SPTLC2: variants seen among roughly 807,000 people sequenced by gnomAD.
SPTLC2 encodes the protein serine palmitoyltransferase long chain base subunit 2, also known as serine palmitoyltransferase 2.
In SPTLC2, 21 loss-of-function variants were observed where a neutral mutation model predicts 62.0. The ratio of observed to expected loss-of-function variants is 0.34; its 90% CI spans 0.24 to 0.49. The LOEUF (loss-of-function observed/expected upper bound fraction) is 0.49. SPTLC2 is among the 20% of genes least tolerant of loss of function. The probability of loss-of-function intolerance (pLI) is 0.99; values close to 1 mark genes in which losing one functional copy is unlikely to be tolerated. For missense variants in SPTLC2, 511 were observed against 713.0 expected (o/e 0.72, Z 3.23); for synonymous variants, 261 against 261.8 (o/e 1.00, Z 0.03).
Position 77,570,440 on chromosome 14 carries a change from C to A in SPTLC2, c.700G>T (p.Ala234Ser). Residue 234 changes from alanine (A) to serine (S), a missense_variant, in exon 5 of 12, where the codon GCG becomes TCG. By Grantham distance (99) the Ala-to-Ser change is moderately conservative (BLOSUM62 1). Coordinates refer to ENST00000216484, the MANE Select transcript of SPTLC2 (RefSeq NM_004863.4). ...TTCGTTGCAAATCCCATGCCATACGCCATAGCAGCTTCTACTCCTAAGAAC... is the reference window on the plus strand; with the variant it reads ...TTCGTTGCAAATCCCATGCCATACGACATAGCAGCTTCTACTCCTAAGAAC... ...ARFLGVEAAM[A>S]YGMGFATNSM... 1 of 1,613,938 alleles carries A rather than the reference C, an allele frequency of 6.2e-7. No homozygotes were observed. The highest frequency in any genetic ancestry group is 1.1e-5 in the South Asian group (1 of 91,084).
chr14:77,536,416 A>G (rs991704164), intron 9 of SPTLC2, among the ~76,000 whole-genome samples: 3 of 151,780 alleles, frequency 2.0e-5, no homozygotes, highest in Admixed American at 6.6e-5. Flanking sequence ...TCACGTCACC[A>G]GGTGATTTTT....
chr14:77,553,048 T>C (rs1020835864), intron 8 of SPTLC2, among the ~76,000 whole-genome samples: 4 of 152,244 alleles, frequency 2.6e-5, no homozygotes, highest in Non-Finnish European at 4.4e-5. Flanking sequence ...AAATGTGAAA[T>C]AGAAACTTAC....
chr14:77,593,059 C>T (rs547416357), intron 2 of SPTLC2, among the ~76,000 whole-genome samples: 2 of 151,360 alleles, frequency 1.3e-5, no homozygotes, highest in Admixed American at 6.6e-5. Context: ...GCCGAGATCA[C>T]GCCACTGTAC....
At position 77,589,974 on chromosome 14, in the gene SPTLC2, T is replaced by C. The variant is rs571662140; in HGVS notation, c.327+7212A>G. 1.1e-4 allele frequency among the ~76,000 whole-genome samples: 13 copies of C among 116,936 alleles called. No individual in the cohort carries two copies. In the South Asian group the frequency reaches 3.1e-3, roughly 28 times the overall value. 76.7% of individuals were successfully genotyped at this position (116,936 alleles called of 152,430 possible). ...GCCTGGATGATAGAGCAAGACCCTG[T>C]CTCAAAAAAAAAAAAAAAAAAGACA... On this transcript the variant is annotated intron_variant, in intron 2 of 11. Coordinates refer to ENST00000216484, the MANE Select transcript of SPTLC2 (RefSeq NM_004863.4).
rs562156898 is a variant in SPTLC2 at position 77,544,922 on chromosome 14, T to A, written c.1303+7174A>T. On this transcript the variant is annotated intron_variant, in intron 9 of 11. Coordinates refer to ENST00000216484, the MANE Select transcript of SPTLC2 (RefSeq NM_004863.4). The stretch of plus-strand genomic sequence containing the variant: ...CCCCTGATGTTTCCTCTTAGTATTT[T>A]TCTATCTACTCACTCCCACCCTGTT... Among the ~76,000 whole-genome samples the A allele has an allele frequency of 5.3e-4, 81 of 152,280 alleles. 1 individual carries two copies. The highest frequency in any genetic ancestry group is 1.9e-3 in the African/African-American group (80 of 41,570).
At position 77,521,318 on chromosome 14, in the gene SPTLC2, A is replaced by G. The variant is rs2079383746; in HGVS notation, c.1439+128T>C. On this transcript the variant is annotated intron_variant, in intron 10 of 11. Coordinates refer to ENST00000216484, the MANE Select transcript of SPTLC2 (RefSeq NM_004863.4). ...TGGAATCCACTATTTGATCTATGGCATATGTACCAAATGAAGGTTAACACA... is the reference window on the plus strand; with the variant it reads ...TGGAATCCACTATTTGATCTATGGCGTATGTACCAAATGAAGGTTAACACA... 14 of 1,143,388 alleles carry G rather than the reference A, an allele frequency of 1.2e-5. No homozygotes were observed. In the South Asian group the frequency reaches 1.4e-4, roughly 11 times the overall value. 70.8% of individuals were successfully genotyped at this position (1,143,388 alleles called of 1,614,324 possible). A position where few individuals can be genotyped will look rare whatever the true frequency, so the allele number is the denominator to read the frequency against.
intron 9 of SPTLC2, among the ~76,000 whole-genome samples, chr14:77,550,646 A>C (rs112142323): frequency 0.029 from 4,312 of 148,724 alleles, 224 homozygotes; most frequent in African/African-American, 0.1. Flanking sequence ...TCACAGCTGT[A>C]ATTCCAGCAC....
At position 77,527,345 on chromosome 14, in the gene SPTLC2, G is replaced by A. The variant is rs377110681; in HGVS notation, c.1304-5764C>T. Among the ~76,000 whole-genome samples, 16 of 151,914 alleles carry A rather than the reference G, an allele frequency of 1.1e-4. No homozygotes were observed. The East Asian group carries it at 1.7e-3, about 16-fold the overall frequency. ...ACTCCTGACCCTCAACTGATCCATC[G>A]CACCAGGCCTAGATTTAGTTCTCTT... On this transcript the variant is annotated intron_variant, in intron 9 of 11. Transcript: ENST00000216484.
intron 5 of SPTLC2, among the ~76,000 whole-genome samples, chr14:77,568,794 C>T (rs1304975143): frequency 9.1e-5 from 12 of 132,112 alleles, no homozygotes; most frequent in Admixed American, 1.7e-4. Flanking sequence ...GGCAAGAGAG[C>T]GAGACTCTGT....
chr14:77,616,258 GCC>G (rs2079966341), intron 1 of SPTLC2, among the ~76,000 whole-genome samples, 188 bp downstream of exon 1: 1 of 152,132 alleles, frequency 6.6e-6, no homozygotes. Context: ...GAGGTGGGGA[GCC>G]CCCGAGCCGT....
intron 9 of SPTLC2, among the ~76,000 whole-genome samples, chr14:77,524,551 T>C (rs1400866614): frequency 6.6e-6 from 1 of 152,236 alleles, no homozygotes; most frequent in Non-Finnish European, 1.5e-5. Flanking sequence ...CAAAGGGATG[T>C]GTGCACAGCT....
chr14:77,542,460 C>G (rs2079506582), intron 9 of SPTLC2, among the ~76,000 whole-genome samples: 1 of 152,122 alleles, frequency 6.6e-6, no homozygotes, highest in African/African-American at 2.4e-5. Flanking sequence ...AGAGAACAGT[C>G]TTGTAAAAGG....
At chr14:77,516,136 ACAT>A (rs1300019491) in intron 11 of SPTLC2, among the ~76,000 whole-genome samples, 1 of 152,234 alleles carries the variant, frequency 6.6e-6, no homozygotes, top group African/African-American at 2.4e-5. Context: ...GTTCCATAAA[ACAT>A]CATAAGACAA....
At chr14:77,594,221 T>C (rs2079833839) in intron 2 of SPTLC2, among the ~76,000 whole-genome samples, 1 of 152,218 alleles carries the variant, frequency 6.6e-6, no homozygotes, top group Non-Finnish European at 1.5e-5. Flanking sequence ...CCCATAACTT[T>C]CAAATGTTTG....
chr14:77,573,670 C>T (rs1353449349), intron 4 of SPTLC2, among the ~76,000 whole-genome samples: 1 of 152,008 alleles, frequency 6.6e-6, no homozygotes, highest in African/African-American at 2.4e-5. Flanking sequence ...ACTCTGTTGC[C>T]CAGGTGGAGT....
At chr14:77,571,949 CCTGA>C (rs902404310) in intron 4 of SPTLC2, among the ~76,000 whole-genome samples, 3 of 134,858 alleles carry the variant, frequency 2.2e-5, no homozygotes, top group African/African-American at 5.7e-5. Context: ...GACCACCACG[CCTGA>C]CTATTTTGTA....
intron 2 of SPTLC2, among the ~76,000 whole-genome samples, chr14:77,585,751 C>A (rs11851777): frequency 0.049 from 7,497 of 152,130 alleles, 616 homozygotes; most frequent in African/African-American, 0.17. Context: ...TAAAGGAAAA[C>A]GTGGGAGAAA....
rs71128638 is a variant in SPTLC2 at position 77,539,483 on chromosome 14, C to CTTTTT, written c.1303+12608_1303+12612dup. Among the ~76,000 whole-genome samples the CTTTTT allele has an allele frequency of 3.0e-3, 158 of 53,492 alleles. 11 individuals carry two copies. Among genetic ancestry groups the CTTTTT allele is most frequent in the South Asian group, 0.012 (11 of 954 alleles). 35.1% of individuals were successfully genotyped at this position (53,492 alleles called of 152,430 possible). ...AAAATGAAAATTTTATCTTAAGAGG[C>CTTTTT]TTTTTTTTTTTTTTTTTTTTTTTGG... On this transcript the variant is annotated intron_variant, in intron 9 of 11. Transcript: ENST00000216484.
chr14:77,586,521 G>A (rs1043261871), intron 2 of SPTLC2, among the ~76,000 whole-genome samples: 2 of 152,138 alleles, frequency 1.3e-5, no homozygotes, highest in Non-Finnish European at 2.9e-5. Flanking sequence ...CAGCCAAAAG[G>A]TGGTAACAAA....
Sources: gnomAD v4.1 joint callset for allele counts (sites outside exome capture counted in the v4.1 genomes callset) on GRCh38, gnomAD v4.1.1 for gene constraint, MANE v1.5 for transcripts, NCBI Gene and HGNC (gene_info 2026-07-23, HGNC 2026-07-21) for gene names.